MLLT10: variants seen among roughly 807,000 people sequenced by gnomAD.
MLLT10 encodes the protein protein AF-10.
Under a neutral mutation model 129.1 loss-of-function variants are expected in MLLT10, and 30 were observed. The ratio of observed to expected loss-of-function variants is 0.23; its 90% CI spans 0.17 to 0.32. The LOEUF is 0.32. Ranked by LOEUF, MLLT10 falls within the 10% of genes least tolerant of loss-of-function variation. The pLI is 1.00. For missense variants in MLLT10, 1,119 were observed against 1,268.3 expected (o/e 0.88, Z 1.79); for synonymous variants, 490 against 446.4 (o/e 1.10, Z -1.23).
At chr10:21,663,957 A>G (rs1046624757) in intron 9 of MLLT10, among the ~76,000 whole-genome samples, 2 of 152,214 alleles carry the variant, frequency 1.3e-5, no homozygotes, top group South Asian at 2.1e-4. Flanking sequence ...GGGCAGAGCA[A>G]AGACTTCTCT....
chr10:21,722,733 T>A (rs1184529028), intron 14 of MLLT10, among the ~76,000 whole-genome samples: 1 of 152,172 alleles, frequency 6.6e-6, no homozygotes, highest in Non-Finnish European at 1.5e-5. Context: ...GTTTCTTGGC[T>A]TGGAGGTACC....
At chr10:21,695,061 C>CTTTTTT (rs71393922) in intron 13 of MLLT10, among the ~76,000 whole-genome samples, 20 of 104,036 alleles carry the variant, frequency 1.9e-4, no homozygotes, top group African/African-American at 3.7e-4. Context: ...TTTCTACCTT[C>CTTTTTT]TTTTTTTTTT....
At chr10:21,697,753 T>G (rs2054513015) in intron 13 of MLLT10, among the ~76,000 whole-genome samples, 1 of 152,172 alleles carries the variant, frequency 6.6e-6, no homozygotes, top group South Asian at 2.1e-4. Context: ...AATGAATGGA[T>G]TAATTCTATG....
chr10:21,646,169 G>A (rs1049954722), intron 8 of MLLT10, among the ~76,000 whole-genome samples: 1 of 152,090 alleles, frequency 6.6e-6, no homozygotes, highest in East Asian at 1.9e-4. Flanking sequence ...TCACACCACC[G>A]CACTACAGCC....
chr10:21,534,225 G>A, upstream of MLLT10: 1 of 396,922 alleles, frequency 2.5e-6, no homozygotes, highest in Non-Finnish European at 4.4e-6. Context: ...CCGGCCGCAG[G>A]ACGGGCGCGC....
intron 8 of MLLT10, among the ~76,000 whole-genome samples, chr10:21,627,174 T>G (rs967935943): frequency 6.6e-6 from 1 of 152,210 alleles, no homozygotes; most frequent in South Asian, 2.1e-4. Context: ...TACCATGTCC[T>G]TCGCTCTACC....
At chr10:21,632,818 A>G (rs2047123681) in intron 8 of MLLT10, among the ~76,000 whole-genome samples, 2 of 152,218 alleles carry the variant, frequency 1.3e-5, no homozygotes, top group Admixed American at 6.5e-5. Context: ...TATATAATCT[A>G]ATCTCCTACT....
chr10:21,709,119 C>G lies in MLLT10; in HGVS notation c.1700-4653C>G, dbSNP rs942842967. Among the ~76,000 whole-genome samples, 3 of 152,208 alleles carry G rather than the reference C, an allele frequency of 2.0e-5. No homozygotes were observed. In the East Asian group the frequency reaches 5.8e-4, roughly 29 times the overall value. On this transcript the variant is annotated intron_variant, in intron 13 of 22. Transcript: ENST00000307729. ...TCTAAGTCAAAAGCCTCTGCTGTTT[C>G]AATTTCAGCATGCTGCCTCCAGCTA...
chr10:21,562,333 A>ATTTAT (rs375677100), intron 3 of MLLT10, among the ~76,000 whole-genome samples: 4,251 of 148,754 alleles, frequency 0.029, 203 homozygotes, highest in African/African-American at 0.099. Context: ...TTGTTTTTTT[A>ATTTAT]TTTATTTATT....
In MLLT10 at chr10:21,673,903, A is replaced by C; in HGVS notation, c.1605A>C (p.Ser535=). 1 of 1,597,726 alleles carries C rather than the reference A, an allele frequency of 6.3e-7. No homozygotes were observed. The highest frequency in any genetic ancestry group is 8.5e-7 in the Non-Finnish European group (1 of 1,172,594). The change falls in exon 11 of 23, where the codon TCA becomes TCC. Residue 535 remains serine (S), a synonymous_variant. Transcript: ENST00000307729. ...GTTTACAGAGCCTCAGTGTTGGCTC[A>C]TCTCCAGTTGGTTCAGGTAGGGGTT... The part of the protein sequence containing the change: ...NGSLQSLSVG[S]SPVGSEISMQ...
intron 4 of MLLT10, among the ~76,000 whole-genome samples, chr10:21,592,759 C>T (rs999298531): frequency 5.9e-5 from 9 of 152,028 alleles, no homozygotes; most frequent in East Asian, 1.9e-4. Flanking sequence ...CCACCGCGCC[C>T]GGCCAGTTTT....
chr10:21,534,871 G>A, intron 2 of MLLT10, 67 bp downstream of exon 2: 1 of 1,122,294 alleles, frequency 8.9e-7, no homozygotes, highest in South Asian at 3.3e-5. Context: ...CCCCCACCTG[G>A]GCCGCAACCG....
chr10:21,539,974 G>T (rs2130898006), intron 3 of MLLT10, among the ~76,000 whole-genome samples: 1 of 151,758 alleles, frequency 6.6e-6, no homozygotes, highest in East Asian at 2.0e-4. Flanking sequence ...AAGGAGGTAG[G>T]CCGGGTGCAG....
chr10:21,742,003 A>C lies in MLLT10; in HGVS notation c.*20A>C. The C allele has an allele frequency of 6.2e-7, 1 of 1,611,542 alleles. No homozygotes were observed. The highest frequency in any genetic ancestry group is 8.5e-7 in the Non-Finnish European group (1 of 1,179,272). On this transcript the variant is annotated 3_prime_UTR_variant, in exon 23 of 23. Coordinates refer to ENST00000307729, the MANE Select transcript of MLLT10 (RefSeq NM_001195626.3). ...AGTTGACACCTGAGAAACATCTAGA[A>C]ATTGCCTATCCTGCTGTTCTAGCAC... is the stretch of plus-strand genomic sequence containing the variant.
chr10:21,536,520 T>C (rs986012036), intron 2 of MLLT10, among the ~76,000 whole-genome samples: 3 of 152,248 alleles, frequency 2.0e-5, no homozygotes, highest in African/African-American at 7.2e-5. Flanking sequence ...TGCTGTGTTT[T>C]GGACACCTAT....
chr10:21,626,117 T>C, intron 8 of MLLT10: 1 of 1,609,922 alleles, frequency 6.2e-7, no homozygotes, highest in Non-Finnish European at 8.5e-7. Flanking sequence ...CCCCTGTTTC[T>C]CTCTCTGCCT....
At chr10:21,657,800 A>G (rs1352066471) in intron 9 of MLLT10, among the ~76,000 whole-genome samples, 1 of 152,156 alleles carries the variant, frequency 6.6e-6, no homozygotes, top group Non-Finnish European at 1.5e-5. Flanking sequence ...AATCCTTTCA[A>G]TTAGCTGTTA....
intron 8 of MLLT10, chr10:21,625,285 C>T: frequency 1.1e-6 from 1 of 895,062 alleles, no homozygotes; most frequent in Non-Finnish European, 1.9e-6. Flanking sequence ...CTTTGCCATT[C>T]ATTTCATCCA....
intron 3 of MLLT10, among the ~76,000 whole-genome samples, chr10:21,578,036 C>T (rs2040980916): frequency 6.6e-6 from 1 of 152,026 alleles, no homozygotes; most frequent in Admixed American, 6.6e-5. Context: ...CCTGGGATTA[C>T]AGGTGCCCGC....
Sources: gnomAD v4.1 joint callset for allele counts (sites outside exome capture counted in the v4.1 genomes callset) on GRCh38, gnomAD v4.1.1 for gene constraint, MANE v1.5 for transcripts, NCBI Gene and HGNC (gene_info 2026-07-23, HGNC 2026-07-21) for gene names.